Variants in TTN observed in about 807,000 individuals in gnomAD.
TTN encodes connectin.
A neutral mutation model predicts 3,223.0 loss-of-function variants in TTN; 1,525 were observed. The ratio of observed to expected loss-of-function variants is 0.47; its 90% confidence interval spans 0.45 to 0.49. TTN has a LOEUF of 0.49. Among genes scored for constraint, TTN ranks in the 20% least tolerant of loss-of-function variants. The pLI is 0.00. For synonymous variants in TTN, 14,094 were observed against 15,161.0 expected, an observed-to-expected ratio of 0.93 and a Z score of 5.17; for missense variants, 40,786 against 43,424.0, an observed-to-expected ratio of 0.94 and a Z score of 5.40.
Position 178,584,483 on chromosome 2 carries a change from G to A in TTN, c.65068C>T (p.Pro21690Ser), listed in dbSNP as rs2048495969. 8 of 1,613,134 alleles carry A rather than the reference G, an allele frequency of 5.0e-6. No homozygotes were observed. Among genetic ancestry groups the A allele is most frequent in the African/African-American group, 1.3e-5 (1 of 74,928 alleles). ...CGTTCAATCAGATAACCAATAATGGGGCTCCCTCCATCACTATCTGGTCTG... is the reference window on the plus strand; with the variant it reads ...CGTTCAATCAGATAACCAATAATGGAGCTCCCTCCATCACTATCTGGTCTG... ...WDRPDSDGGS[P>S]IIGYLIERKE... The change falls in exon 311 of 363, where the codon CCC (proline) becomes TCC (serine). Residue 21690 changes from proline (P) to serine (S), a missense_variant. By Grantham distance (74) the Pro-to-Ser change is moderately conservative. Transcript: ENST00000589042.
rs1057522986 is a variant in TTN, at chr2:178,650,286, G to C, written c.39710-15C>G. ...TTCTTCATATACTTTAAAGATATTA[G>C]TTAATTTTATTTCAATGTATGGAAC... On this transcript the variant is annotated splice_polypyrimidine_tract_variant and intron_variant, in intron 209 of 362. Coordinates refer to ENST00000589042, the MANE Select transcript of TTN (RefSeq NM_001267550.2). The C allele has an allele frequency of 6.5e-7, 1 of 1,542,412 alleles. No individual in the cohort carries two copies. Among genetic ancestry groups the C allele is most frequent in the South Asian group, 1.2e-5 (1 of 82,528 alleles).
intron 154 of TTN, 28 bp downstream of exon 154, chr2:178,672,379 C>G (rs372103179): frequency 6.2e-7 from 1 of 1,601,898 alleles, no homozygotes; most frequent in Non-Finnish European, 8.5e-7. Context: ...CAACAATACA[C>G]GAAAATCCAG....
chr2:178,536,442 C>T lies in TTN; in HGVS notation c.100305G>A (p.Lys33435=). 2 of 1,612,060 alleles carry T rather than the reference C, an allele frequency of 1.2e-6. No homozygotes were observed. Among genetic ancestry groups the T allele is most frequent in the South Asian group, 2.2e-5 (2 of 90,904 alleles). The part of the protein sequence containing the change: ...RNYYLEKREK[K]QNKWISVTTE... ...TTGTCACAGAAATCCATTTATTCTGCTTCTTCTCACGCTTCTCAAGGTAGT... is the reference window on the plus strand; with the variant it reads ...TTGTCACAGAAATCCATTTATTCTGTTTCTTCTCACGCTTCTCAAGGTAGT... The change falls in exon 357 of 363, where the codon AAG becomes AAA. Residue 33435 remains lysine, a synonymous_variant. Transcript: ENST00000589042.
Position 178,601,429 on chromosome 2 carries a change from C to G in TTN, c.55568G>C (p.Gly18523Ala). Residue 18523 changes from glycine (G) to alanine (A), a missense_variant, in exon 287 of 363, where the codon GGA becomes GCA. Coordinates refer to ENST00000589042, the MANE Select transcript of TTN (RefSeq NM_001267550.2). ...GYVIEKRTIDGKAWTKVNPDC... is the reference protein window; with the variant it reads ...GYVIEKRTIDAKAWTKVNPDC... The stretch of plus-strand genomic sequence containing the variant: ...TGGATTGACTTTGGTCCAGGCTTTT[C>G]CATCAATAGTCCTCTTCTCAATAAC... 6.2e-7 allele frequency: 1 copy of G among 1,612,840 alleles called. No homozygotes were observed. The highest frequency in any genetic ancestry group is 8.5e-7 in the Non-Finnish European group (1 of 1,179,310).
chr2:178,680,412 G>T, intron 138 of TTN, 81 bp from the exon 139 acceptor site: 2 of 1,151,350 alleles, frequency 1.7e-6, no homozygotes, highest in South Asian at 2.7e-5. Flanking sequence ...ACTTTAAGCA[G>T]ATAGAATAAT....
At position 178,717,830 on chromosome 2, in the gene TTN, A is replaced by T; in HGVS notation, c.25064-20T>A. 6.3e-7 allele frequency: 1 copy of T among 1,587,480 alleles called. No individual in the cohort carries two copies. Among genetic ancestry groups the T allele is most frequent in the South Asian group, 1.2e-5 (1 of 86,474 alleles). ...TGCGCGCTGTAAAGAAGTTACAGAT[A>T]ATCCTTATTTACAGGTGAGAAGGCA... On this transcript the variant is annotated intron_variant, in intron 86 of 362. Transcript: ENST00000589042.
Position 178,594,173 on chromosome 2 carries a change from G to A in TTN, c.58220C>T (p.Thr19407Ile). ...TIRVGEAFAL[T>I]GRYSGKPKPK... ...CTTTGGTTTGCCTGAGTAACGGCCA[G>A]TGAGGGCAAAAGCTTCACCAACTCG... The change falls in exon 297 of 363, where the codon ACT becomes ATT. Residue 19407 changes from threonine (T) to isoleucine (I), a missense_variant. By Grantham distance (89) the Thr-to-Ile change is moderately conservative (BLOSUM62 -1). Coordinates refer to ENST00000589042, the MANE Select transcript of TTN (RefSeq NM_001267550.2). 6.2e-7 allele frequency: 1 copy of A among 1,613,354 alleles called. No homozygotes were observed. Among genetic ancestry groups the A allele is most frequent in the Non-Finnish European group, 8.5e-7 (1 of 1,179,598 alleles).
chr2:178,785,704 G>C lies in TTN; in HGVS notation c.2409C>G (p.Val803=). The C allele has an allele frequency of 6.2e-7, 1 of 1,614,132 alleles. No homozygotes were observed. The highest frequency in any genetic ancestry group is 8.5e-7 in the Non-Finnish European group (1 of 1,180,010). ...KTTDLTTERL[V]HVDKRPRTAS... Reference sequence around the variant, plus strand: ...CTGTGCGGGGGCGTTTATCCACATGGACTAATCTTTCCGTTGTTAGATCTG... The same window carrying C: ...CTGTGCGGGGGCGTTTATCCACATGCACTAATCTTTCCGTTGTTAGATCTG... The change falls in exon 15 of 363, where the codon GTC becomes GTG. Residue 803 remains valine (V), a synonymous_variant. Transcript: ENST00000589042.
chr2:178,781,828 A>C (rs900342705), intron 20 of TTN, among the ~76,000 whole-genome samples: 1 of 152,102 alleles, frequency 6.6e-6, no homozygotes, highest in African/African-American at 2.4e-5. Context: ...CTTCTTCATT[A>C]CATGGCTATT....
chr2:178,600,805 G>C lies in TTN; in HGVS notation c.56050+49C>G, dbSNP rs145489208. 3.2e-4 allele frequency: 510 copies of C among 1,605,816 alleles called. 3 individuals are homozygous for C. The East Asian group carries it at 0.011, about 34-fold the overall frequency. ...ATTGTGAACTATTATTGAACACCTA[G>C]GAAGGCAGCTGTAAGGAGGACATTC... On this transcript the variant is annotated intron_variant, in intron 288 of 362. Coordinates refer to ENST00000589042, the MANE Select transcript of TTN (RefSeq NM_001267550.2).
Position 178,768,080 on chromosome 2 carries a change from T to C in TTN, c.9239A>G (p.Glu3080Gly), listed in dbSNP as rs1305956743. The change falls in exon 39 of 363, where the codon GAA becomes GGA. Residue 3080 changes from glutamate (E) to glycine (G), a missense_variant. Glu to Gly is a moderately conservative substitution (Grantham distance 98). Transcript: ENST00000589042. ...LEKKRAMFEC[E>G]VSEPDITVQW... The stretch of plus-strand genomic sequence containing the variant: ...TACAGTGATGTCAGGTTCAGAAACT[T>C]CACATTCAAACATGGCTCGCTTCTT... The C allele has an allele frequency of 6.2e-7, 1 of 1,614,014 alleles. No homozygotes were observed. The highest frequency in any genetic ancestry group is 8.5e-7 in the Non-Finnish European group (1 of 1,180,012).
Position 178,724,355 on chromosome 2 carries a change from A to G in TTN, c.21020T>C (p.Ile7007Thr), listed in dbSNP as rs773611280. The G allele has an allele frequency of 2.6e-5, 42 of 1,613,432 alleles. No homozygotes were observed. The highest frequency in any genetic ancestry group is 3.5e-5 in the Non-Finnish European group (41 of 1,179,630). ...SFYNKISSLR[I>T]LSVERQDAGT... The stretch of plus-strand genomic sequence containing the variant: ...TGCATCTTGCCTTTCAACTGAGAGA[A>G]TCCTTAAGGAAGAGATTTTGTTGTA... The change falls in exon 72 of 363, where the codon ATT becomes ACT. Residue 7007 changes from isoleucine (I) to threonine (T), a missense_variant. By Grantham distance (89) the Ile-to-Thr change is moderately conservative (BLOSUM62 -1). Transcript: ENST00000589042.
Position 178,565,193 on chromosome 2 carries a change from A to G in TTN, c.80939T>C (p.Val26980Ala). ...GTCTGCACTAACTTCATCAAACCGA[A>G]CTGGGCCAACTGGAGGTCCAGGCTT... is the stretch of plus-strand genomic sequence containing the variant. ...LEKPGPPVGP[V>A]RFDEVSADFV... is the part of the protein sequence containing the mutation. Residue 26980 changes from valine (V) to alanine (A), a missense_variant, in exon 326 of 363, where the codon GTT (valine) becomes GCT (alanine). Coordinates refer to ENST00000589042, the MANE Select transcript of TTN (RefSeq NM_001267550.2). The G allele has an allele frequency of 1.2e-6, 2 of 1,613,522 alleles. No individual in the cohort carries two copies. Among genetic ancestry groups the G allele is most frequent in the Admixed American group, 1.7e-5 (1 of 59,992 alleles).
chr2:178,764,837 C>A (rs1574487249), intron 41 of TTN, 26 bp from the exon 42 acceptor site: 1 of 1,611,250 alleles, frequency 6.2e-7, no homozygotes. Flanking sequence ...GACAAATAGC[C>A]CATGAAAAAG....
intron 46 of TTN, among the ~76,000 whole-genome samples, chr2:178,754,548 G>A (rs2086431461): frequency 6.6e-6 from 1 of 152,088 alleles, no homozygotes; most frequent in Non-Finnish European, 1.5e-5. Flanking sequence ...TCTTTAGGAA[G>A]TGAGTTAAGA....
At position 178,665,460 on chromosome 2, in the gene TTN, G is replaced by A. The variant is rs1375324882; in HGVS notation, c.35960C>T (p.Ala11987Val). 1 of 1,612,136 alleles carries A rather than the reference G, an allele frequency of 6.2e-7. No homozygotes were observed. Among genetic ancestry groups the A allele is most frequent in the Admixed American group, 1.7e-5 (1 of 59,970 alleles). Residue 11987 changes from alanine (A) to valine (V), a missense_variant and splice_region_variant, in exon 165 of 363, where the codon GCA (alanine) becomes GTA (valine). Transcript: ENST00000589042. ...GACAACTTCTTTCATAGCTTCTGGT[G>A]CTTTGAAGATATTAGTATTATGGTT... ...PLEIEIPPTK[A>V]PEAMKEVVPE...
Position 178,739,882 on chromosome 2 carries a change from C to G in TTN, c.13351G>C (p.Val4451Leu). 6.2e-7 allele frequency: 1 copy of G among 1,613,864 alleles called. No homozygotes were observed. The highest frequency in any genetic ancestry group is 1.1e-5 in the South Asian group (1 of 91,086). The change falls in exon 48 of 363, where the codon GTA (valine) becomes CTA (leucine). Residue 4451 changes from valine (V) to leucine (L), a missense_variant. Val to Leu is a conservative substitution (Grantham distance 32, BLOSUM62 1). Transcript: ENST00000589042. ...CMYLVTSAKS[V>L]TEEVTIIIED... ...ATAATGATGGTTACTTCTTCTGTTA[C>G]AGACTTTGCCGAAGTAACAAGGTAC...
rs147015460 is a variant in TTN, at chr2:178,556,463, A to C, written c.88306+385T>G. ...ACAAACAAACAAACAAACAAAAAAA[A>C]AAAAACCAAAAAATGAAGTCTCTGT... On this transcript the variant is annotated intron_variant, in intron 330 of 362. Transcript: ENST00000589042. 1,534 of 218,500 alleles carry C rather than the reference A, an allele frequency of 7.0e-3. 24 individuals are homozygous for C. Among genetic ancestry groups the C allele is most frequent in the African/African-American group, 0.036 (1,404 of 39,306 alleles). The allele number at this position is 218,500 out of a possible 1,614,324, so 13.5% of individuals were successfully genotyped here.
rs2060189688 is a variant in TTN at position 178,634,604 on chromosome 2, G to A, written c.42177C>T (p.Pro14059=). The part of the protein sequence containing the change: ...VKEIELDFAV[P]LKDVTVPERR... ...TTTCTGGAACAGTGACATCCTTCAG[G>A]GGCACAGCAAAGTCAAGTTCGATTT... Residue 14059 remains proline (P), a synonymous_variant, in exon 230 of 363, where the codon CCC becomes CCT. Transcript: ENST00000589042. The surrounding 1 kb of genome is among the most constrained non-coding windows in gnomAD (Gnocchi z 4.6). 6.2e-7 allele frequency: 1 copy of A among 1,612,988 alleles called. No homozygotes were observed. Among genetic ancestry groups the A allele is most frequent in the Admixed American group, 1.7e-5 (1 of 59,926 alleles).
Sources: allele counts gnomAD v4.1 joint callset (sites outside exome capture counted in the v4.1 genomes callset), GRCh38; gene constraint gnomAD v4.1.1; non-coding constraint Gnocchi (gnomAD v3.1); transcripts MANE v1.5; gene names NCBI Gene and HGNC (gene_info 2026-07-23, HGNC 2026-07-21).